Variants in COPS4 observed in about 807,000 individuals in gnomAD.
COPS4 encodes COP9 signalosome complex subunit 4.
COPS4 carries 8 observed loss-of-function variants against 55.1 expected under a neutral mutation model. The observed-to-expected ratio is 0.15, with a 90% CI of 0.09 to 0.26. The LOEUF (loss-of-function observed/expected upper bound fraction) is 0.26. Ranked by LOEUF, COPS4 falls within the 10% of genes least tolerant of loss-of-function variation. The pLI is 1.00. For synonymous variants in COPS4, 185 were observed against 165.7 expected (o/e 1.12, Z -0.90); for missense variants, 248 against 484.0 (o/e 0.51, Z 4.58).
intron 5 of COPS4, 48 bp from the exon 6 acceptor site, chr4:83,057,210 T>G: frequency 1.3e-6 from 2 of 1,548,918 alleles, no homozygotes; most frequent in Non-Finnish European, 1.8e-6. Flanking sequence ...TTTGTTTAAC[T>G]CTTGCTTTTT....
At chr4:83,040,312 T>C (rs2126127369) in intron 1 of COPS4, among the ~76,000 whole-genome samples, 1 of 152,290 alleles carries the variant, frequency 6.6e-6, no homozygotes, top group South Asian at 2.1e-4. Flanking sequence ...CTCCAGTCAG[T>C]ATTTGACGTT....
chr4:83,036,253 G>A lies in COPS4; in HGVS notation c.74+955G>A, dbSNP rs1433588380. Among the ~76,000 whole-genome samples, 3 of 53,284 alleles carry A rather than the reference G, an allele frequency of 5.6e-5. No homozygotes were observed. In the Admixed American group the frequency reaches 6.4e-4, roughly 11 times the overall value. 35.0% of individuals were successfully genotyped at this position (53,284 alleles called of 152,430 possible). On this transcript the variant is annotated intron_variant, in intron 1 of 9. Coordinates refer to ENST00000264389, the MANE Select transcript of COPS4 (RefSeq NM_016129.3). Reference sequence around the variant, plus strand: ...GTTCTAGACCAGCCTGGGCAACATAGTGAGACCCCCCCCCCCGCCGCCACC... The same window carrying A: ...GTTCTAGACCAGCCTGGGCAACATAATGAGACCCCCCCCCCCGCCGCCACC...
chr4:83,035,238 T>A lies in COPS4; in HGVS notation c.14T>A (p.Val5Glu). MAAA[V>E]RQDLAQLMNS... ...GCTGGGAGAAAGATGGCGGCAGCCG[T>A]GCGACAGGATTTGGCCCAGCTCATG... Residue 5 changes from valine to glutamate, a missense_variant, in exon 1 of 10, where the codon GTG becomes GAG. Physicochemically the swap from Val to Glu is moderately radical, Grantham distance 121. Coordinates refer to ENST00000264389, the MANE Select transcript of COPS4 (RefSeq NM_016129.3). 3 of 1,568,152 alleles carry A rather than the reference T, an allele frequency of 1.9e-6. No individual in the cohort carries two copies. The highest frequency in any genetic ancestry group is 2.6e-6 in the Non-Finnish European group (3 of 1,150,596).
chr4:83,062,024 G>A (rs1304241541), intron 6 of COPS4, among the ~76,000 whole-genome samples: 1 of 152,014 alleles, frequency 6.6e-6, no homozygotes, highest in Non-Finnish European at 1.5e-5. Flanking sequence ...ATTGCTTCTG[G>A]GTGTCATTGT....
chr4:83,046,919 T>C (rs1730733420), intron 2 of COPS4, among the ~76,000 whole-genome samples: 1 of 152,194 alleles, frequency 6.6e-6, no homozygotes. Flanking sequence ...TCTGATACAC[T>C]GCTCTTACTT....
chr4:83,071,183 A>G (rs78483222), intron 9 of COPS4, among the ~76,000 whole-genome samples: 33 of 152,276 alleles, frequency 2.2e-4, no homozygotes, highest in African/African-American at 4.3e-4. Context: ...TCTGTTTCCA[A>G]GTTAAGCTTC....
At position 83,063,093 on chromosome 4, in the gene COPS4, A is replaced by T; in HGVS notation, c.733A>T (p.Met245Leu). Residue 245 changes from methionine (M) to leucine (L), a missense_variant, in exon 7 of 10, where the codon ATG becomes TTG. Met to Leu is a conservative substitution (Grantham distance 15). Coordinates refer to ENST00000264389, the MANE Select transcript of COPS4 (RefSeq NM_016129.3). The stretch of plus-strand genomic sequence containing the variant: ...TCTCTTAGGGCAGCAGCGTTCTCGG[A>T]TGCTAGCTACTCTTTTTAAGGATGA... ...LASAGQQRSR[M>L]LATLFKDERC... 6.4e-7 allele frequency: 1 copy of T among 1,561,970 alleles called. No homozygotes were observed. Among genetic ancestry groups the T allele is most frequent in the Non-Finnish European group, 8.6e-7 (1 of 1,159,896 alleles).
intron 1 of COPS4, among the ~76,000 whole-genome samples, chr4:83,044,023 TAA>T (rs1730637868): frequency 6.6e-6 from 1 of 152,218 alleles, no homozygotes; most frequent in Non-Finnish European, 1.5e-5. Flanking sequence ...CCCTACAAAA[TAA>T]AAGTCATAAA....
chr4:83,055,014 A>G (rs1730981114), intron 4 of COPS4, among the ~76,000 whole-genome samples: 1 of 152,264 alleles, frequency 6.6e-6, no homozygotes, highest in Non-Finnish European at 1.5e-5. Context: ...AAAGTACAGA[A>G]TATTAATATA....
chr4:83,065,115 T>C, intron 7 of COPS4: 1 of 664,476 alleles, frequency 1.5e-6, no homozygotes, highest in Non-Finnish European at 2.7e-6. Context: ...GCTCAAGCAG[T>C]TCCTCCCATC....
At chr4:83,068,942 C>T (rs1731353864) in intron 9 of COPS4, among the ~76,000 whole-genome samples, 1 of 146,814 alleles carries the variant, frequency 6.8e-6, no homozygotes, top group African/African-American at 2.5e-5. Flanking sequence ...TGCACTCCAA[C>T]CTGGGTGACA....
chr4:83,055,688 G>A (rs1028353611), intron 4 of COPS4, among the ~76,000 whole-genome samples: 6 of 151,938 alleles, frequency 3.9e-5, no homozygotes, highest in African/African-American at 9.7e-5. Flanking sequence ...TGATCTGCCC[G>A]CCTCGGGCTC....
intron 4 of COPS4, among the ~76,000 whole-genome samples, chr4:83,053,924 A>G (rs979729686): frequency 6.6e-6 from 1 of 151,512 alleles, no homozygotes; most frequent in Non-Finnish European, 1.5e-5. Context: ...ATAGTTCTTT[A>G]TGAAACATTT....
chr4:83,038,539 T>C (rs190107142), intron 1 of COPS4, among the ~76,000 whole-genome samples: 1 of 152,368 alleles, frequency 6.6e-6, no homozygotes, highest in Admixed American at 6.5e-5. Context: ...TTCCTACTGT[T>C]ATTAAATTGA....
At chr4:83,036,966 G>C (rs1232341809) in intron 1 of COPS4, among the ~76,000 whole-genome samples, 1 of 152,198 alleles carries the variant, frequency 6.6e-6, no homozygotes, top group Non-Finnish European at 1.5e-5. Context: ...GCGTGCTTCA[G>C]TTATCTGTTG....
chr4:83,056,124 G>A (rs574613370), intron 4 of COPS4, among the ~76,000 whole-genome samples: 2 of 151,868 alleles, frequency 1.3e-5, no homozygotes, highest in Non-Finnish European at 2.9e-5. Context: ...TAGAGACAGG[G>A]TTTTACCATG....
In COPS4 at chr4:83,057,050, A is replaced by G; in HGVS notation, c.535A>G (p.Thr179Ala). The part of the protein sequence containing the change: ...NRASLLQNES[T>A]NEQLQIHYKV... ...AGCATCGTTGCTTCAGAATGAATCA[A>G]CCAATGAACAATTACAGATACATTA... The change falls in exon 5 of 10, where the codon ACC becomes GCC. Residue 179 changes from threonine (T) to alanine (A), a missense_variant. Physicochemically the swap from Thr to Ala is moderately conservative, Grantham distance 58. Around this residue, in one of 4 missense-constraint regions of COPS4, gnomAD observed 155 missense variants for 326.6 expected, o/e 0.47. Transcript: ENST00000264389. 1 of 1,613,952 alleles carries G rather than the reference A, an allele frequency of 6.2e-7. No homozygotes were observed. Among genetic ancestry groups the G allele is most frequent in the Non-Finnish European group, 8.5e-7 (1 of 1,179,930 alleles).
chr4:83,036,258 ACC>A (rs33940074), intron 1 of COPS4, among the ~76,000 whole-genome samples: 116,901 of 146,352 alleles, frequency 0.8, 46,291 homozygotes, highest in Admixed American at 0.82. Flanking sequence ...ACATAGTGAG[ACC>A]CCCCCCCCCG....
chr4:83,071,718 T>A (rs909291878), intron 9 of COPS4, among the ~76,000 whole-genome samples: 1 of 140,410 alleles, frequency 7.1e-6, no homozygotes, highest in Non-Finnish European at 1.5e-5. Context: ...TGTGCCTGGC[T>A]TTTTTTTTTT....
Sources: allele counts gnomAD v4.1 joint callset (sites outside exome capture counted in the v4.1 genomes callset), GRCh38; gene constraint gnomAD v4.1.1; regional missense constraint gnomAD v4.1.1; transcripts MANE v1.5; gene names NCBI Gene and HGNC (gene_info 2026-07-23, HGNC 2026-07-21).